RTL4: variants seen among roughly 807,000 people sequenced by gnomAD.
The protein encoded by RTL4 is retrotransposon Gag like 4.
In RTL4, 4 loss-of-function variants were observed where a neutral mutation model predicts 5.3. The ratio of observed to expected loss-of-function variants is 0.75; its 90% CI spans 0.37 to 1.72. The LOEUF (loss-of-function observed/expected upper bound fraction) is 1.72. Ranked by LOEUF, RTL4 falls within the 40% of genes most tolerant of loss-of-function variation. The probability of loss-of-function intolerance (pLI) is 0.04; values close to 1 mark genes in which losing one functional copy is unlikely to be tolerated. For synonymous variants in RTL4, 98 were observed against 87.3 expected, an observed-to-expected ratio of 1.12 and a Z score of -0.68; for missense variants, 260 against 227.1, an observed-to-expected ratio of 1.14 and a Z score of -0.93.
chrX:112,419,680 C>G, the RTL4 span, among the ~76,000 whole-genome samples: 2 of 38,431 alleles, frequency 5.2e-5, no homozygotes, highest in Non-Finnish European at 6.0e-5. Context: ...AATCAGGTGA[C>G]AGGCATACCC....
chrX:112,329,704 C>A, the RTL4 span, among the ~76,000 whole-genome samples: 1 of 110,018 alleles, frequency 9.1e-6, no homozygotes, highest in South Asian at 4.0e-4. Flanking sequence ...GAGACACAAC[C>A]AAAAAAGAGA....
At chrX:112,214,812 G>A in the RTL4 span, among the ~76,000 whole-genome samples, 4 of 109,370 alleles carry the variant, frequency 3.7e-5, no homozygotes, top group Admixed American at 9.8e-5. Flanking sequence ...TTTGTGAGAC[G>A]GAGTCTCTCT....
chrX:112,294,723 A>G, the RTL4 span, among the ~76,000 whole-genome samples: 1 of 112,348 alleles, frequency 8.9e-6, no homozygotes, highest in Non-Finnish European at 1.9e-5. Flanking sequence ...AATACTTTGA[A>G]TCAGCCTTAA....
chrX:112,455,825 G>C, exon 1 of RTL4: 1 of 475,384 alleles, frequency 2.1e-6, no homozygotes, highest in Non-Finnish European at 3.4e-6. Context: ...TTGTTCATTG[G>C]CAAATTACCC....
chrX:112,161,874 C>CTTTCTTTCTTTCTTTCTTTCTTTCTTTCT, the RTL4 span, among the ~76,000 whole-genome samples: 3 of 36,020 alleles, frequency 8.3e-5, no homozygotes, highest in African/African-American at 1.0e-4. Flanking sequence ...TCTTTCTTTC[C>CTTTCTTTCTTTCTTTCTTTCTTTCTTTCT]TTCTTTCTTC....
the RTL4 span, among the ~76,000 whole-genome samples, chrX:112,270,417 G>A: frequency 8.9e-6 from 1 of 111,783 alleles, no homozygotes. Context: ...ATGAGGAGCA[G>A]GATACTTTAA....
At chrX:112,455,807 A>G (rs1241600538) in exon 1 of RTL4, 1 of 562,271 alleles carries the variant, frequency 1.8e-6, no homozygotes, top group African/African-American at 2.3e-5. Context: ...AATTTAAACA[A>G]TCAGATCTTG....
At chrX:112,238,294 A>T in the RTL4 span, among the ~76,000 whole-genome samples, 1 of 111,758 alleles carries the variant, frequency 8.9e-6, no homozygotes, top group East Asian at 2.8e-4. Context: ...TGTGTATATG[A>T]TCTTTATATT....
chrX:112,235,674 C>CTAATAAA, the RTL4 span, among the ~76,000 whole-genome samples: 4 of 111,753 alleles, frequency 3.6e-5, no homozygotes, highest in South Asian at 3.7e-4. Flanking sequence ...AATGCTCCAC[C>CTAATAAA]AATTCAGAAC....
the RTL4 span, among the ~76,000 whole-genome samples, chrX:112,266,490 T>C: frequency 9.1e-6 from 1 of 110,249 alleles, no homozygotes; most frequent in African/African-American, 3.3e-5. Context: ...GGAGGGGACA[T>C]GAATGGGGGT....
At chrX:112,339,870 A>C in the RTL4 span, among the ~76,000 whole-genome samples, 1 of 112,754 alleles carries the variant, frequency 8.9e-6, no homozygotes, top group Admixed American at 9.4e-5. Flanking sequence ...CTCTGTTGCA[A>C]CTATTCAACT....
the RTL4 span, among the ~76,000 whole-genome samples, chrX:112,433,085 A>G: frequency 9.1e-6 from 1 of 110,036 alleles, no homozygotes; most frequent in Non-Finnish European, 1.9e-5. Context: ...TGTTCCATTG[A>G]TCTATATCTC....
the RTL4 span, among the ~76,000 whole-genome samples, chrX:112,144,480 G>A: frequency 9.0e-6 from 1 of 111,238 alleles, no homozygotes; most frequent in African/African-American, 3.3e-5. Flanking sequence ...GTTACTGCAT[G>A]TATGGGGATC....
the RTL4 span, among the ~76,000 whole-genome samples, chrX:112,294,878 T>C: frequency 8.9e-6 from 1 of 111,890 alleles, no homozygotes; most frequent in Non-Finnish European, 1.9e-5. Flanking sequence ...TTTTTAATAA[T>C]AGATGACCTC....
At chrX:112,340,931 T>C in the RTL4 span, among the ~76,000 whole-genome samples, 1 of 111,025 alleles carries the variant, frequency 9.0e-6, no homozygotes, top group Non-Finnish European at 1.9e-5. Context: ...TTGGCCAGGC[T>C]GGTCTCAAAC....
At chrX:112,114,409 C>T in the RTL4 span, among the ~76,000 whole-genome samples, 33 of 111,776 alleles carry the variant, frequency 3.0e-4, no homozygotes, top group Non-Finnish European at 5.1e-4. Context: ...CAGCTAAATC[C>T]GCATTCTTTT....
chrX:112,360,641 A>G, the RTL4 span, among the ~76,000 whole-genome samples: 6 of 110,283 alleles, frequency 5.4e-5, no homozygotes, highest in Non-Finnish European at 7.6e-5. Context: ...ATATCACTAC[A>G]TATGCCTGCC....
the RTL4 span, among the ~76,000 whole-genome samples, chrX:112,118,946 G>A: frequency 9.1e-6 from 1 of 109,810 alleles, no homozygotes; most frequent in South Asian, 3.9e-4. Context: ...GTGCAGTTGT[G>A]CAATCTCAGC....
At chrX:112,356,715 T>C in the RTL4 span, among the ~76,000 whole-genome samples, 1 of 111,179 alleles carries the variant, frequency 9.0e-6, no homozygotes, top group Non-Finnish European at 1.9e-5. Context: ...AACTTTATCT[T>C]GTAAGTAACT....
Sources: allele counts gnomAD v4.1 joint callset (sites outside exome capture counted in the v4.1 genomes callset), GRCh38; gene constraint gnomAD v4.1.1; transcripts MANE v1.5; gene names NCBI Gene and HGNC (gene_info 2026-07-23, HGNC 2026-07-21).